The following MCM4 variants were observed in gnomAD, a reference collection of about 807,000 sequenced individuals.
MCM4 encodes the protein DNA replication licensing factor MCM4.
MCM4 carries 60 observed loss-of-function variants against 88.7 expected under a neutral mutation model. The ratio of observed to expected loss-of-function variants is 0.68; its 90% CI spans 0.55 to 0.84. The LOEUF is 0.84. Among genes scored for constraint, MCM4 ranks in the 40% least tolerant of loss-of-function variants. The pLI is 0.00. For synonymous variants in MCM4, 465 were observed against 410.5 expected, an observed-to-expected ratio of 1.13 and a Z score of -1.61; for missense variants, 1,149 against 1,105.5, an observed-to-expected ratio of 1.04 and a Z score of -0.56.
chr8:47,975,482 G>A (rs904329822), intron 15 of MCM4: 9 of 312,882 alleles, frequency 2.9e-5, no homozygotes, highest in Admixed American at 9.9e-5. Flanking sequence ...TAGAGAAGTT[G>A]TTTGTTTCTT....
chr8:47,967,563 T>C, intron 10 of MCM4, 78 bp downstream of exon 10: 1 of 1,568,172 alleles, frequency 6.4e-7, no homozygotes, highest in Non-Finnish European at 8.7e-7. Context: ...GTCATTGGAC[T>C]TGGTCACAGG....
rs1300073289 is a variant in MCM4, at chr8:47,966,506, G to A, written c.1053+99G>A. 1.1e-5 allele frequency: 13 copies of A among 1,189,238 alleles called. 1 individual carries two copies. The highest frequency in any genetic ancestry group is 7.6e-5 in the African/African-American group (5 of 65,870). 73.7% of individuals were successfully genotyped at this position (1,189,238 alleles called of 1,614,324 possible). On this transcript the variant is annotated intron_variant, in intron 9 of 16. Coordinates refer to ENST00000649973, the MANE Select transcript of MCM4 (RefSeq NM_182746.3). Reference sequence around the variant, plus strand: ...CCTCGGACCCTGAGCCTCACTTCCCGAATGGCATCCATCCCTCTCTGGTCT... The same window carrying A: ...CCTCGGACCCTGAGCCTCACTTCCCAAATGGCATCCATCCCTCTCTGGTCT...
intron 16 of MCM4, 143 bp downstream of exon 16, chr8:47,975,991 G>T: frequency 1.4e-6 from 1 of 695,458 alleles, no homozygotes; most frequent in Non-Finnish European, 2.1e-6. Flanking sequence ...CCATCATCAA[G>T]AAATAATCAC....
At chr8:47,961,096 G>A (rs781106643) in intron 1 of MCM4, 35 bp from the exon 2 acceptor site, 1 of 1,511,504 alleles carries the variant, frequency 6.6e-7, no homozygotes, top group East Asian at 2.8e-5. Context: ...GAAGCCGGGA[G>A]GCGGGCCCGG....
chr8:47,961,308 C>T, intron 2 of MCM4, 94 bp downstream of exon 2: 3 of 1,429,928 alleles, frequency 2.1e-6, no homozygotes, highest in South Asian at 1.5e-5. Flanking sequence ...GCGCGGGACC[C>T]GGGCGCTCAG....
At position 47,970,561 on chromosome 8, in the gene MCM4, T is replaced by G. The variant is rs768531205; in HGVS notation, c.1485T>G (p.Thr495=). The change falls in exon 12 of 17, where the codon ACT becomes ACG. Residue 495 remains threonine, a synonymous_variant. Transcript: ENST00000649973. ...FGGTRKDFSH[T]GRGKFRAEIN... ...GGACAAGGAAGGATTTTAGTCACACTGGAAGGGGCAAATTTCGGGCTGAGA... is the reference window on the plus strand; with the variant it reads ...GGACAAGGAAGGATTTTAGTCACACGGGAAGGGGCAAATTTCGGGCTGAGA... 2 of 1,613,660 alleles carry G rather than the reference T, an allele frequency of 1.2e-6. No individual in the cohort carries two copies. Among genetic ancestry groups the G allele is most frequent in the Admixed American group, 3.3e-5 (2 of 59,986 alleles).
rs1177256359 is a variant in MCM4, at chr8:47,962,653, T to C, written c.502-111T>C. 27 of 749,498 alleles carry C rather than the reference T, an allele frequency of 3.6e-5. No individual in the cohort carries two copies. In the East Asian group the frequency reaches 6.2e-4, roughly 17 times the overall value. The allele number at this position is 749,498 out of a possible 1,614,324, so 46.4% of individuals were successfully genotyped here. On this transcript the variant is annotated intron_variant, in intron 5 of 16. Transcript: ENST00000649973. Reference sequence around the variant, plus strand: ...TTTAGAAAAGAAAAAGGAAGAAAAATATTATTTATTTCTGTCTCCTGATAG... The same window carrying C: ...TTTAGAAAAGAAAAAGGAAGAAAAACATTATTTATTTCTGTCTCCTGATAG...
chr8:47,969,692 G>A (rs562998239), intron 10 of MCM4, 106 bp from the exon 11 acceptor site: 11 of 1,165,264 alleles, frequency 9.4e-6, no homozygotes, highest in East Asian at 2.4e-5. Context: ...GGGCCAGCCC[G>A]ACGTGGTGCC....
chr8:47,964,523 A>G, intron 7 of MCM4, 51 bp from the exon 8 acceptor site: 1 of 1,438,142 alleles, frequency 7.0e-7, no homozygotes, highest in Non-Finnish European at 9.4e-7. Flanking sequence ...CCTTTATTAT[A>G]TTTAACACTG....
chr8:47,962,160 A>T lies in MCM4; in HGVS notation c.343A>T (p.Arg115Trp). Residue 115 changes from arginine (R) to tryptophan (W), a missense_variant, in exon 4 of 17, where the codon AGG becomes TGG. Coordinates refer to ENST00000649973, the MANE Select transcript of MCM4 (RefSeq NM_182746.3). ...TGTTAGGGGCACACCTGTGAGACAG[A>T]GGCCTGACCTGGGCTCTGCACAGAA... is the stretch of plus-strand genomic sequence containing the variant. ...SGVRGTPVRQRPDLGSAQKGL... is the reference protein window; with the variant it reads ...SGVRGTPVRQWPDLGSAQKGL... 1.2e-6 allele frequency: 2 copies of T among 1,614,230 alleles called. No homozygotes were observed. The highest frequency in any genetic ancestry group is 1.7e-6 in the Non-Finnish European group (2 of 1,180,040).
intron 7 of MCM4, among the ~76,000 whole-genome samples, chr8:47,963,458 C>CA (rs895258700): frequency 5.3e-5 from 8 of 150,238 alleles, no homozygotes; most frequent in Admixed American, 1.3e-4. Flanking sequence ...CTCAAACAAA[C>CA]AAAAAAAAAC....
At chr8:47,968,568 C>G (rs1488370584) in intron 10 of MCM4, among the ~76,000 whole-genome samples, 1 of 151,938 alleles carries the variant, frequency 6.6e-6, no homozygotes, top group Admixed American at 6.6e-5. Flanking sequence ...AAATAAGTAT[C>G]AATGCTGCTC....
In MCM4 at chr8:47,970,318, G is replaced by A. The variant is rs560292997; in HGVS notation, c.1435-193G>A. ...GGACTTGCATGGCCACCATTCTGGT[G>A]TAATGATAGGTGCTGATGAACTGGT... On this transcript the variant is annotated intron_variant, in intron 11 of 16. Transcript: ENST00000649973. 5.3e-5 allele frequency among the ~76,000 whole-genome samples: 8 copies of A among 152,330 alleles called. No homozygotes were observed. In the South Asian group the frequency reaches 1.4e-3, roughly 28 times the overall value.
At chr8:47,961,244 C>A in intron 2 of MCM4, 30 bp downstream of exon 2, 1 of 1,466,222 alleles carries the variant, frequency 6.8e-7, no homozygotes, top group Non-Finnish European at 8.9e-7. Context: ...CCCACTACAG[C>A]CCCCGGCGCC....
intron 10 of MCM4, among the ~76,000 whole-genome samples, 175 bp downstream of exon 10, chr8:47,967,660 C>A (rs1489349651): frequency 6.6e-6 from 1 of 152,158 alleles, no homozygotes; most frequent in African/African-American, 2.4e-5. Context: ...AACTGAGTAC[C>A]ATGGCCCAGC....
chr8:47,974,306 A>G (rs372146894), intron 14 of MCM4: 1 of 164,704 alleles, frequency 6.1e-6, no homozygotes, highest in Non-Finnish European at 1.3e-5. Flanking sequence ...CCTTTGCAGC[A>G]TTCTCCCAGC....
chr8:47,961,978 G>A, intron 3 of MCM4, 75 bp from the exon 4 acceptor site: 1 of 1,368,382 alleles, frequency 7.3e-7, no homozygotes, highest in Non-Finnish European at 1.0e-6. Context: ...CGATTAGATG[G>A]TATAGATCAA....
intron 7 of MCM4, among the ~76,000 whole-genome samples, chr8:47,964,352 A>T (rs143725862): frequency 2.5e-4 from 38 of 152,368 alleles, no homozygotes; most frequent in Middle Eastern, 6.8e-3. Flanking sequence ...ATACATCAAG[A>T]AGGCACTTTC....
rs2090812759 is a variant in MCM4, at chr8:47,960,946, T to G, written c.-83T>G. 5.6e-6 allele frequency: 3 copies of G among 531,368 alleles called. No homozygotes were observed. Among genetic ancestry groups the G allele is most frequent in the Non-Finnish European group, 9.5e-6 (3 of 317,042 alleles). 32.9% of individuals were successfully genotyped at this position (531,368 alleles called of 1,614,324 possible). ...CGGCGGGAACTCTGGGTCTCGCGGT[T>G]TGGGAGCGCTACTCGCCAGGTGGAC... On this transcript the variant is annotated 5_prime_UTR_variant, in exon 1 of 17. Coordinates refer to ENST00000649973, the MANE Select transcript of MCM4 (RefSeq NM_182746.3).
Sources: allele counts gnomAD v4.1 joint callset (sites outside exome capture counted in the v4.1 genomes callset), GRCh38; gene constraint gnomAD v4.1.1; transcripts MANE v1.5; gene names NCBI Gene and HGNC (gene_info 2026-07-23, HGNC 2026-07-21).